Variants in ABCA8 observed in about 807,000 individuals in gnomAD.
ABCA8 encodes the protein ABC-type organic anion transporter ABCA8.
Under a neutral mutation model 192.3 loss-of-function variants are expected in ABCA8, and 177 were observed. That is an observed-to-expected ratio of 0.92 (90% confidence interval 0.81 to 1.04). The LOEUF (loss-of-function observed/expected upper bound fraction) is 1.04, where lower values mean the gene tolerates loss of function less well. Ranked by LOEUF, ABCA8 falls within the 50% of genes least tolerant of loss-of-function variation. The pLI is 0.00. For synonymous variants in ABCA8, 642 were observed against 690.2 expected (o/e 0.93, Z 1.09); for missense variants, 1,915 against 1,904.8 (o/e 1.01, Z -0.10).
At chr17:68,940,524 G>A (rs1433911197) in intron 4 of ABCA8, among the ~76,000 whole-genome samples, 1 of 152,024 alleles carries the variant, frequency 6.6e-6, no homozygotes, top group Non-Finnish European at 1.5e-5. Flanking sequence ...GTTTCTTTTT[G>A]AGAGACTGCG....
Position 68,876,570 on chromosome 17 carries a change from C to A in ABCA8, c.4276-16G>T, listed in dbSNP as rs776802183. ...CAAAGCACAGCTGCAACGGGAGGAACAGCCCATCTGGTTCCCATCTATGGC... is the reference window on the plus strand; with the variant it reads ...CAAAGCACAGCTGCAACGGGAGGAAAAGCCCATCTGGTTCCCATCTATGGC... On this transcript the variant is annotated splice_polypyrimidine_tract_variant and intron_variant, in intron 34 of 39. Coordinates refer to ENST00000586539, the MANE Select transcript of ABCA8 (RefSeq NM_001288985.2). 3 of 1,614,138 alleles carry A rather than the reference C, an allele frequency of 1.9e-6. No homozygotes were observed. In the South Asian group the frequency reaches 3.3e-5, roughly 18 times the overall value.
intron 17 of ABCA8, among the ~76,000 whole-genome samples, chr17:68,910,895 C>T (rs1222464789): frequency 6.6e-6 from 1 of 152,156 alleles, no homozygotes; most frequent in Non-Finnish European, 1.5e-5. Flanking sequence ...TTCATCACCT[C>T]CTGACTAAAG....
chr17:68,937,151 T>C, intron 4 of ABCA8, 36 bp from the exon 5 acceptor site: 1 of 1,527,850 alleles, frequency 6.5e-7, no homozygotes, highest in Non-Finnish European at 8.8e-7. Flanking sequence ...TGTTAGTAAA[T>C]TACTAGGAGA....
rs574156973 is a variant in ABCA8, at chr17:68,955,287, G to T, written c.-235C>A. ...CACTGAGCTCCTTGTTTAGAAGAAA[G>T]TTATTCATATTTTCTCCTGGTCTCT... On this transcript the variant is annotated 5_prime_UTR_variant, in exon 1 of 40. Coordinates refer to ENST00000586539, the MANE Select transcript of ABCA8 (RefSeq NM_001288985.2). 18 of 152,284 alleles carry T rather than the reference G, an allele frequency of 1.2e-4. No homozygotes were observed. The highest frequency in any genetic ancestry group is 4.3e-4 in the African/African-American group (18 of 41,560). 9.4% of individuals were successfully genotyped at this position (152,284 alleles called of 1,614,324 possible). A position where few individuals can be genotyped will look rare whatever the true frequency, so the allele number is the denominator to read the frequency against.
chr17:68,887,585 C>T lies in ABCA8; in HGVS notation c.3145-79G>A, dbSNP rs535921903. 46 of 1,173,982 alleles carry T rather than the reference C, an allele frequency of 3.9e-5. No individual in the cohort carries two copies. In the East Asian group the frequency reaches 1.1e-3, roughly 27 times the overall value. The allele number at this position is 1,173,982 out of a possible 1,614,324, so 72.7% of individuals were successfully genotyped here. On this transcript the variant is annotated intron_variant, in intron 24 of 39. Transcript: ENST00000586539. Reference sequence around the variant, plus strand: ...ATGCAAGGAACTATTCAAACAAAACCTTTATTTGTAACAATTCTAGATTAT... The same window carrying T: ...ATGCAAGGAACTATTCAAACAAAACTTTTATTTGTAACAATTCTAGATTAT...
At chr17:68,905,491 G>A (rs1056263219) in intron 19 of ABCA8, among the ~76,000 whole-genome samples, 3 of 152,064 alleles carry the variant, frequency 2.0e-5, no homozygotes, top group African/African-American at 2.4e-5. Flanking sequence ...ATGAAAAAGT[G>A]CAGTATCAGA....
chr17:68,927,650 T>TA (rs4148018), intron 10 of ABCA8, among the ~76,000 whole-genome samples: 4,989 of 145,760 alleles, frequency 0.034, 282 homozygotes, highest in African/African-American at 0.12. Flanking sequence ...CTAAGAGGTC[T>TA]AAAAAAAAAA....
At chr17:68,934,196 C>A (rs760101748) in intron 5 of ABCA8, among the ~76,000 whole-genome samples, 1 of 151,624 alleles carries the variant, frequency 6.6e-6, no homozygotes, top group Non-Finnish European at 1.5e-5. Context: ...ATTTTTTCTT[C>A]TTTTTTATGG....
At chr17:68,943,864 AT>A (rs2068301590) in intron 2 of ABCA8, among the ~76,000 whole-genome samples, 1 of 152,020 alleles carries the variant, frequency 6.6e-6, no homozygotes, top group African/African-American at 2.4e-5. Flanking sequence ...CCTAGTATTC[AT>A]TAAAAAAAAT....
chr17:68,951,419 C>T (rs1425233370), intron 1 of ABCA8, among the ~76,000 whole-genome samples: 1 of 152,204 alleles, frequency 6.6e-6, no homozygotes. Context: ...AAGTGTTCCA[C>T]GTGCACCTAA....
In ABCA8 at chr17:68,876,508, A is replaced by G; in HGVS notation, c.4322T>C (p.Leu1441Pro). 1.9e-6 allele frequency: 3 copies of G among 1,614,036 alleles called. No individual in the cohort carries two copies. In the South Asian group the frequency reaches 3.3e-5, roughly 18 times the overall value. ...GTCCATCCCGGTCGACGGCTCATCC[A>G]GAAGCACCACTGACGGGTTCCCCAG... ...SILGNPSVVL[L>P]DEPSTGMDPE... The change falls in exon 35 of 40, where the codon CTG (leucine) becomes CCG (proline). Residue 1441 changes from leucine to proline, a missense_variant. Physicochemically the swap from Leu to Pro is moderately conservative, Grantham distance 98. Coordinates refer to ENST00000586539, the MANE Select transcript of ABCA8 (RefSeq NM_001288985.2).
chr17:68,907,545 A>G (rs2067103536), intron 18 of ABCA8, among the ~76,000 whole-genome samples, 195 bp downstream of exon 18: 1 of 152,200 alleles, frequency 6.6e-6, no homozygotes, highest in Non-Finnish European at 1.5e-5. Flanking sequence ...CCCAGGCATT[A>G]CAATACAACT....
At chr17:68,953,901 C>G (rs2068639522) in intron 1 of ABCA8, among the ~76,000 whole-genome samples, 1 of 152,136 alleles carries the variant, frequency 6.6e-6, no homozygotes, top group Non-Finnish European at 1.5e-5. Flanking sequence ...TAATGCCGCT[C>G]TCTGTAAGCA....
intron 2 of ABCA8, among the ~76,000 whole-genome samples, chr17:68,948,407 A>G (rs2068475376): frequency 6.6e-6 from 1 of 152,000 alleles, no homozygotes; most frequent in Non-Finnish European, 1.5e-5. Context: ...GTCAGCATCT[A>G]TTGTTTCCTG....
intron 17 of ABCA8, among the ~76,000 whole-genome samples, chr17:68,912,832 G>C (rs1422296366): frequency 6.6e-6 from 1 of 152,098 alleles, no homozygotes; most frequent in Non-Finnish European, 1.5e-5. Flanking sequence ...ACTACTTTCA[G>C]CACTGGACAG....
Position 68,918,113 on chromosome 17 carries a change from C to T in ABCA8, c.1981G>A (p.Glu661Lys), listed in dbSNP as rs777878093. The T allele has an allele frequency of 6.2e-7, 1 of 1,614,158 alleles. No individual in the cohort carries two copies. ...SRHQVWNLLK[E>K]RKTDRVILFS... ...AGGATCACGCGGTCTGTTTTGCGTT[C>T]TTTCAGAAGGTTCCATACTTGGTGT... The change falls in exon 16 of 40, where the codon GAA becomes AAA. Residue 661 changes from glutamate to lysine, a missense_variant. By Grantham distance (56) the Glu-to-Lys change is moderately conservative (BLOSUM62 1). Transcript: ENST00000586539.
At chr17:68,884,519 C>T (rs1360124681) in intron 27 of ABCA8, 123 bp from the exon 28 acceptor site, 2 of 1,378,812 alleles carry the variant, frequency 1.5e-6, no homozygotes, top group East Asian at 2.8e-5. Context: ...CCTAAGTGTC[C>T]TTTCTAAAGT....
Position 68,885,237 on chromosome 17 carries a change from G to T in ABCA8, c.3508C>A (p.Pro1170Thr). ...DIPFIFTFLIPPATMIGCLFL... is the reference protein window; with the variant it reads ...DIPFIFTFLITPATMIGCLFL... ...AAACAGCCAATCATTGTGGCAGGTGGTATTAAAAAAGTGAAGATAAATGGA... is the reference window on the plus strand; with the variant it reads ...AAACAGCCAATCATTGTGGCAGGTGTTATTAAAAAAGTGAAGATAAATGGA... Residue 1170 changes from proline (P) to threonine (T), a missense_variant, in exon 27 of 40, where the codon CCA (proline) becomes ACA (threonine). Physicochemically the swap from Pro to Thr is conservative, Grantham distance 38. Coordinates refer to ENST00000586539, the MANE Select transcript of ABCA8 (RefSeq NM_001288985.2). 2 of 1,613,618 alleles carry T rather than the reference G, an allele frequency of 1.2e-6. No individual in the cohort carries two copies. The highest frequency in any genetic ancestry group is 1.7e-6 in the Non-Finnish European group (2 of 1,179,768).
rs575515406 is a variant in ABCA8 at position 68,882,874 on chromosome 17, A to G, written c.3708-155T>C. On this transcript the variant is annotated intron_variant, in intron 29 of 39. Coordinates refer to ENST00000586539, the MANE Select transcript of ABCA8 (RefSeq NM_001288985.2). ...TCATCCCCTTAAAACCTCCTTGCTT[A>G]TCTTATCTATAGAAATATGTTTTTT... Among the ~76,000 whole-genome samples, 5 of 152,340 alleles carry G rather than the reference A, an allele frequency of 3.3e-5. No homozygotes were observed. In the East Asian group the frequency reaches 9.6e-4, roughly 29 times the overall value.
Sources: gnomAD v4.1 joint callset for allele counts (sites outside exome capture counted in the v4.1 genomes callset) on GRCh38, gnomAD v4.1.1 for gene constraint, MANE v1.5 for transcripts, NCBI Gene and HGNC (gene_info 2026-07-23, HGNC 2026-07-21) for gene names.